The following MNAT1 variants were observed in gnomAD, a reference collection of about 807,000 sequenced individuals.
MNAT1 encodes the protein CDK-activating kinase assembly factor MAT1.
MNAT1 carries 43 observed loss-of-function variants against 42.0 expected under a neutral mutation model. The ratio of observed to expected loss-of-function variants is 1.02; its 90% CI spans 0.80 to 1.32. MNAT1 has a LOEUF of 1.32. Ranked by LOEUF, MNAT1 falls within the 40% of genes most tolerant of loss-of-function variation. The pLI is 0.00. For synonymous variants in MNAT1, 118 were observed against 120.0 expected, an observed-to-expected ratio of 0.98 and a Z score of 0.11; for missense variants, 306 against 350.4, an observed-to-expected ratio of 0.87 and a Z score of 1.01.
Position 60,780,716 on chromosome 14 carries a change from ATACT to A in MNAT1, c.90-15496_90-15493del, listed in dbSNP as rs939421104. 33 of 654,058 alleles carry A rather than the reference ATACT, an allele frequency of 5.0e-5. No individual in the cohort carries two copies. In the African/African-American group the frequency reaches 5.3e-4, roughly 10 times the overall value. 40.5% of individuals were successfully genotyped at this position (654,058 alleles called of 1,614,324 possible). ...TTTATACATGGAGAAAACCAAAATG[ATACT>A]TACTGAACTGTGTGTAATTGTTCCT... On this transcript the variant is annotated intron_variant, in intron 1 of 7. Transcript: ENST00000261245.
chr14:60,894,850 G>A (rs1273973106), intron 7 of MNAT1, among the ~76,000 whole-genome samples: 6 of 152,096 alleles, frequency 3.9e-5, no homozygotes, highest in African/African-American at 9.7e-5. Flanking sequence ...AAATTGTTAC[G>A]ATTACAAATA....
intron 1 of MNAT1, among the ~76,000 whole-genome samples, chr14:60,782,877 T>TTAA (rs1177844953): frequency 2.0e-5 from 3 of 152,230 alleles, no homozygotes; most frequent in Non-Finnish European, 4.4e-5. Context: ...AATTTACCAC[T>TTAA]TATATTAACA....
At chr14:60,938,396 G>A (rs1212319255) in intron 7 of MNAT1, among the ~76,000 whole-genome samples, 1 of 152,110 alleles carries the variant, frequency 6.6e-6, no homozygotes, top group Non-Finnish European at 1.5e-5. Context: ...TTTGAGATAT[G>A]TCCCATCAAT....
intron 7 of MNAT1, among the ~76,000 whole-genome samples, chr14:60,912,231 G>A (rs2035387936): frequency 6.6e-6 from 1 of 152,008 alleles, no homozygotes; most frequent in African/African-American, 2.4e-5. Flanking sequence ...ACATGAGATG[G>A]GTTTCCTGAA....
intron 7 of MNAT1, among the ~76,000 whole-genome samples, chr14:60,967,243 A>G (rs554391008): frequency 5.9e-5 from 9 of 152,354 alleles, no homozygotes; most frequent in South Asian, 2.1e-4. Context: ...GTTAGAAGTT[A>G]TAAGTTGCTC....
intron 7 of MNAT1, among the ~76,000 whole-genome samples, chr14:60,920,945 G>T (rs369482827): frequency 6.6e-6 from 1 of 151,972 alleles, no homozygotes; most frequent in East Asian, 1.9e-4. Context: ...TTGGCTTTTG[G>T]GTTAAAGTAC....
chr14:60,763,342 T>G (rs1006354629), intron 1 of MNAT1, among the ~76,000 whole-genome samples: 4 of 152,022 alleles, frequency 2.6e-5, no homozygotes, highest in African/African-American at 9.6e-5. Flanking sequence ...TAAAGTGGAG[T>G]GGTTTATTAT....
At chr14:60,861,328 A>G (rs1336718717) in intron 6 of MNAT1, among the ~76,000 whole-genome samples, 1 of 152,190 alleles carries the variant, frequency 6.6e-6, no homozygotes. Context: ...GGGAGACTGT[A>G]TTAAGGATAT....
intron 7 of MNAT1, among the ~76,000 whole-genome samples, chr14:60,904,962 T>A (rs1471074016): frequency 7.0e-6 from 1 of 142,606 alleles, no homozygotes; most frequent in Non-Finnish European, 1.5e-5. Context: ...AAACAATAGA[T>A]TGTTCAGCAG....
chr14:60,929,588 A>G (rs1261103455), intron 7 of MNAT1, among the ~76,000 whole-genome samples: 2 of 152,032 alleles, frequency 1.3e-5, no homozygotes, highest in Non-Finnish European at 2.9e-5. Context: ...TGTTTTGCCT[A>G]TTATCCCCAG....
intron 1 of MNAT1, among the ~76,000 whole-genome samples, chr14:60,789,243 A>G (rs1007447797): frequency 6.6e-6 from 1 of 152,166 alleles, no homozygotes; most frequent in Non-Finnish European, 1.5e-5. Flanking sequence ...GTTGGAGTAC[A>G]TACAACATTT....
chr14:60,913,745 G>A (rs1414970213), intron 7 of MNAT1, among the ~76,000 whole-genome samples: 1 of 152,136 alleles, frequency 6.6e-6, no homozygotes, highest in Non-Finnish European at 1.5e-5. Flanking sequence ...CTACTGGGGG[G>A]TACCTCCTAG....
chr14:60,752,373 A>C (rs1490694601), intron 1 of MNAT1, among the ~76,000 whole-genome samples: 1 of 152,206 alleles, frequency 6.6e-6, no homozygotes, highest in Admixed American at 6.5e-5. Context: ...TTTTTTAAAA[A>C]ATGTATTTTA....
chr14:60,872,335 C>T lies in MNAT1; in HGVS notation c.688-7379C>T, dbSNP rs147476217. ...ACCTCCCACTAGGCCTCACCTTCAA[C>T]ATGAGGATTACATTTCAACATGAAA... On this transcript the variant is annotated intron_variant, in intron 6 of 7. Coordinates refer to ENST00000261245, the MANE Select transcript of MNAT1 (RefSeq NM_002431.4). Among the ~76,000 whole-genome samples the T allele has an allele frequency of 2.5e-3, 381 of 152,314 alleles. 4 individuals carry two copies. Among genetic ancestry groups the T allele is most frequent in the Admixed American group, 3.5e-3 (53 of 15,302 alleles).
At chr14:60,950,887 G>A (rs1336750357) in intron 7 of MNAT1, among the ~76,000 whole-genome samples, 3 of 152,094 alleles carry the variant, frequency 2.0e-5, no homozygotes, top group Non-Finnish European at 2.9e-5. Flanking sequence ...TGTATTTTCT[G>A]ATTAGAAGTT....
intron 1 of MNAT1, among the ~76,000 whole-genome samples, chr14:60,795,499 A>G (rs1349242716): frequency 6.6e-6 from 1 of 152,226 alleles, no homozygotes; most frequent in African/African-American, 2.4e-5. Flanking sequence ...TTGCACTACC[A>G]GAAAAGGGGA....
chr14:60,856,012 A>C (rs1485257486), intron 6 of MNAT1, among the ~76,000 whole-genome samples: 1 of 152,166 alleles, frequency 6.6e-6, no homozygotes, highest in Non-Finnish European at 1.5e-5. Context: ...ACAACCCTAC[A>C]GTGTCCTCTA....
chr14:60,820,608 C>T (rs2032858977), intron 6 of MNAT1, among the ~76,000 whole-genome samples: 1 of 151,006 alleles, frequency 6.6e-6, no homozygotes, highest in African/African-American at 2.4e-5. Context: ...GTTGGCTCTA[C>T]TTTTAAAATT....
chr14:60,735,852 A>T (rs1160435283), intron 1 of MNAT1, among the ~76,000 whole-genome samples: 2 of 152,254 alleles, frequency 1.3e-5, no homozygotes, highest in African/African-American at 4.8e-5. Flanking sequence ...AAAAGGTGCC[A>T]TGTAATGGCG....
Sources: gnomAD v4.1 joint callset for allele counts (sites outside exome capture counted in the v4.1 genomes callset) on GRCh38, gnomAD v4.1.1 for gene constraint, MANE v1.5 for transcripts, NCBI Gene and HGNC (gene_info 2026-07-23, HGNC 2026-07-21) for gene names.